CNTNAP5: variants seen among roughly 807,000 people sequenced by gnomAD.
CNTNAP5 encodes contactin-associated protein-like 5.
A neutral mutation model predicts 150.2 loss-of-function variants in CNTNAP5; 72 were observed. The observed-to-expected ratio is 0.48, with a 90% CI of 0.40 to 0.58. The LOEUF is 0.58. CNTNAP5 is among the 20% of genes least tolerant of loss of function. The pLI is 0.00. For missense variants in CNTNAP5, 1,636 were observed against 1,626.2 expected (o/e 1.01, Z -0.10); for synonymous variants, 672 against 619.8 (o/e 1.08, Z -1.25).
intron 3 of CNTNAP5, among the ~76,000 whole-genome samples, chr2:124,270,390 A>T (rs1363816973): frequency 1.3e-5 from 2 of 152,218 alleles, no homozygotes; most frequent in Non-Finnish European, 2.9e-5. Context: ...GTGATTCTGC[A>T]TAAAGGCCAT....
intron 17 of CNTNAP5, among the ~76,000 whole-genome samples, chr2:124,787,205 T>C (rs1266922440): frequency 6.6e-6 from 1 of 152,242 alleles, no homozygotes; most frequent in Non-Finnish European, 1.5e-5. Flanking sequence ...GAATAGTTAT[T>C]CAAATCCACC....
intron 10 of CNTNAP5, among the ~76,000 whole-genome samples, chr2:124,537,037 T>TGAGA (rs1039786979): frequency 6.6e-6 from 1 of 150,544 alleles, no homozygotes; most frequent in African/African-American, 2.4e-5. Flanking sequence ...TGTGTGTGTG[T>TGAGA]GAGAGAGAGA....
chr2:124,846,284 A>AT (rs949867632), intron 19 of CNTNAP5, among the ~76,000 whole-genome samples: 30 of 152,020 alleles, frequency 2.0e-4, no homozygotes, highest in African/African-American at 7.2e-4. Flanking sequence ...TTTAAAAAAA[A>AT]TTTTTTTGTC....
intron 10 of CNTNAP5, among the ~76,000 whole-genome samples, chr2:124,531,848 A>G (rs183096619): frequency 1.5e-3 from 224 of 152,324 alleles, no homozygotes; most frequent in African/African-American, 5.3e-3. Flanking sequence ...TAATATAAGT[A>G]GAGAGTTCAT....
chr2:124,027,670 A>C (rs1167949567), intron 1 of CNTNAP5, among the ~76,000 whole-genome samples: 1 of 152,258 alleles, frequency 6.6e-6, no homozygotes, highest in Non-Finnish European at 1.5e-5. Flanking sequence ...CTGAACATTT[A>C]AAATGAAACT....
intron 7 of CNTNAP5, among the ~76,000 whole-genome samples, chr2:124,500,593 G>GA (rs529471613): frequency 1.1e-3 from 166 of 152,104 alleles, no homozygotes; most frequent in African/African-American, 3.9e-3. Context: ...GCTAAAACTG[G>GA]AAAAAACGGG....
chr2:124,813,822 A>G (rs1366502696), intron 19 of CNTNAP5, among the ~76,000 whole-genome samples: 1 of 151,952 alleles, frequency 6.6e-6, no homozygotes, highest in African/African-American at 2.4e-5. Context: ...CATGTGGCAT[A>G]GCTGCTTCCA....
At chr2:124,134,305 A>G (rs1683927056) in intron 1 of CNTNAP5, among the ~76,000 whole-genome samples, 1 of 152,124 alleles carries the variant, frequency 6.6e-6, no homozygotes, top group Non-Finnish European at 1.5e-5. Flanking sequence ...ATTAAAGGGA[A>G]ATAGGGCTGA....
At chr2:124,172,187 A>G (rs191457697) in intron 1 of CNTNAP5, among the ~76,000 whole-genome samples, 1 of 152,224 alleles carries the variant, frequency 6.6e-6, no homozygotes, top group African/African-American at 2.4e-5. Flanking sequence ...ATCCACATGA[A>G]GATGGATGTG....
intron 11 of CNTNAP5, among the ~76,000 whole-genome samples, chr2:124,577,618 G>A (rs1053641860): frequency 2.0e-5 from 3 of 152,188 alleles, no homozygotes; most frequent in African/African-American, 4.8e-5. Context: ...GTGGGCAGAA[G>A]GGAGATGGGT....
intron 2 of CNTNAP5, among the ~76,000 whole-genome samples, chr2:124,238,924 G>A (rs1008159776): frequency 6.6e-6 from 1 of 152,184 alleles, no homozygotes; most frequent in African/African-American, 2.4e-5. Flanking sequence ...CCTATTAGCT[G>A]TAATGCGGGG....
intron 13 of CNTNAP5, among the ~76,000 whole-genome samples, chr2:124,673,766 A>T (rs1202482436): frequency 1.2e-5 from 1 of 81,914 alleles, no homozygotes; most frequent in East Asian, 2.6e-4. Flanking sequence ...TACAGCATTA[A>T]AAAAAAAAAA....
intron 11 of CNTNAP5, among the ~76,000 whole-genome samples, chr2:124,602,868 A>C (rs1337900470): frequency 6.6e-6 from 1 of 152,200 alleles, no homozygotes; most frequent in Non-Finnish European, 1.5e-5. Context: ...ACAACTCTCT[A>C]ACACAGGACA....
chr2:124,703,109 T>TCTC (rs1558741391), intron 13 of CNTNAP5, among the ~76,000 whole-genome samples: 47 of 143,276 alleles, frequency 3.3e-4, no homozygotes, highest in African/African-American at 1.2e-3. Flanking sequence ...CTTCCTTCCT[T>TCTC]CCTCCCTCCC....
intron 12 of CNTNAP5, among the ~76,000 whole-genome samples, chr2:124,640,845 G>A (rs1678076111): frequency 6.6e-6 from 1 of 152,042 alleles, no homozygotes; most frequent in Non-Finnish European, 1.5e-5. Context: ...AGGAGGAGCA[G>A]GCTGGGCCCG....
intron 1 of CNTNAP5, among the ~76,000 whole-genome samples, chr2:124,177,762 GAGA>G (rs749113003): frequency 6.6e-6 from 1 of 152,088 alleles, no homozygotes; most frequent in Admixed American, 6.6e-5. Flanking sequence ...TGTACCTACA[GAGA>G]TAGTTTTAAC....
At chr2:124,409,761 C>T (rs368897265) in intron 3 of CNTNAP5, among the ~76,000 whole-genome samples, 117 of 151,534 alleles carry the variant, frequency 7.7e-4, no homozygotes, top group Admixed American at 1.3e-3. Context: ...CGGTACCAGC[C>T]GCTGCAAAAT....
chr2:124,059,045 A>ATATAATTAAC (rs1225351905), intron 1 of CNTNAP5, among the ~76,000 whole-genome samples: 1 of 152,194 alleles, frequency 6.6e-6, no homozygotes, highest in Non-Finnish European at 1.5e-5. Flanking sequence ...ATTATCAACA[A>ATATAATTAAC]TATAATTAAC....
At chr2:124,763,822 C>G (rs779416417) in intron 15 of CNTNAP5, 23 bp downstream of exon 15, 1 of 1,612,406 alleles carries the variant, frequency 6.2e-7, no homozygotes, top group East Asian at 2.2e-5. Flanking sequence ...TCGAAAGAAG[C>G]TTTCTCTCTG....
Sources: allele counts gnomAD v4.1 joint callset (sites outside exome capture counted in the v4.1 genomes callset), GRCh38; gene constraint gnomAD v4.1.1; transcripts MANE v1.5; gene names NCBI Gene and HGNC (gene_info 2026-07-23, HGNC 2026-07-21).